Variants in TRPS1 observed in about 807,000 individuals in gnomAD.
The protein encoded by TRPS1 is zinc finger transcription factor Trps1.
A neutral mutation model predicts 101.2 loss-of-function variants in TRPS1; 6 were observed. That is an observed-to-expected ratio of 0.06 (90% CI 0.03 to 0.12). The LOEUF is 0.12. TRPS1 is among the 10% of genes least tolerant of loss of function. TRPS1 has a pLI of 1.00. For synonymous variants in TRPS1, 578 were observed against 589.8 expected (o/e 0.98, Z 0.29); for missense variants, 1,363 against 1,567.0 (o/e 0.87, Z 2.20).
intron 5 of TRPS1, among the ~76,000 whole-genome samples, chr8:115,432,940 G>A (rs1038421657): frequency 2.6e-5 from 4 of 151,326 alleles, no homozygotes; most frequent in Admixed American, 6.6e-5. Flanking sequence ...ACTAACGCAT[G>A]TGTATTCTTT....
chr8:115,609,665 CT>C lies in TRPS1; in HGVS notation c.967-4664del, dbSNP rs1300072923. Among the ~76,000 whole-genome samples, 11 of 152,214 alleles carry C rather than the reference CT, an allele frequency of 7.2e-5. No homozygotes were observed. The South Asian group carries it at 2.1e-3, about 29-fold the overall frequency. ...CAAGCAAATGACTGACTATGGAGTC[CT>C]TTGATTGTGAATTAAAGTTATATAA... On this transcript the variant is annotated intron_variant, in intron 3 of 6. Transcript: ENST00000395715.
At chr8:115,451,411 A>G (rs532327936) in intron 5 of TRPS1, among the ~76,000 whole-genome samples, 1 of 152,190 alleles carries the variant, frequency 6.6e-6, no homozygotes, top group Admixed American at 6.5e-5. Flanking sequence ...GGGATATAAA[A>G]GGAAGAAAAG....
At chr8:115,648,837 GCTTT>G (rs951268179) in intron 1 of TRPS1, among the ~76,000 whole-genome samples, 35 of 151,828 alleles carry the variant, frequency 2.3e-4, no homozygotes, top group African/African-American at 7.7e-4. Flanking sequence ...CCCAAACCAC[GCTTT>G]CTTTTTTTTT....
At chr8:115,434,512 T>TA (rs1586270090) in intron 5 of TRPS1, among the ~76,000 whole-genome samples, 2 of 152,214 alleles carry the variant, frequency 1.3e-5, no homozygotes, top group Non-Finnish European at 2.9e-5. Flanking sequence ...AAGTTACCTT[T>TA]ATCACTTAAG....
chr8:115,449,960 C>CACACACACAA (rs1237769992), intron 5 of TRPS1, among the ~76,000 whole-genome samples: 3 of 149,032 alleles, frequency 2.0e-5, no homozygotes, highest in Non-Finnish European at 1.5e-5. Context: ...TGATTTAACA[C>CACACACACAA]ACACACACAC....
At chr8:115,543,219 T>G (rs1816494544) in intron 5 of TRPS1, among the ~76,000 whole-genome samples, 1 of 152,168 alleles carries the variant, frequency 6.6e-6, no homozygotes, top group Non-Finnish European at 1.5e-5. Flanking sequence ...GCAGGCATGG[T>G]CTTATGGAAA....
At chr8:115,421,578 A>G (rs969023871) in intron 5 of TRPS1, among the ~76,000 whole-genome samples, 1 of 152,186 alleles carries the variant, frequency 6.6e-6, no homozygotes, top group African/African-American at 2.4e-5. Flanking sequence ...AATAGGAGCA[A>G]GCTTGCATGG....
intron 1 of TRPS1, among the ~76,000 whole-genome samples, chr8:115,643,311 A>G (rs1219778607): frequency 1.3e-5 from 2 of 152,204 alleles, no homozygotes; most frequent in Middle Eastern, 3.2e-3. Context: ...GCCACTTGAT[A>G]GCATTTTACC....
At chr8:115,662,734 T>C (rs1811832012) in intron 1 of TRPS1, among the ~76,000 whole-genome samples, 1 of 143,920 alleles carries the variant, frequency 6.9e-6, no homozygotes, top group African/African-American at 2.6e-5. Flanking sequence ...GTTTGATAAA[T>C]AGGGTTAAAA....
intron 5 of TRPS1, among the ~76,000 whole-genome samples, chr8:115,489,278 AG>A (rs1292778385): frequency 3.3e-5 from 5 of 152,206 alleles, no homozygotes; most frequent in Non-Finnish European, 5.9e-5. Context: ...CACATTGTCC[AG>A]TTACTCCCAT....
Position 115,604,396 on chromosome 8 carries a change from T to C in TRPS1, c.1573A>G (p.Ser525Gly). 6 of 1,614,120 alleles carry C rather than the reference T, an allele frequency of 3.7e-6. No homozygotes were observed. Among genetic ancestry groups the C allele is most frequent in the Non-Finnish European group, 5.1e-6 (6 of 1,180,000 alleles). The change falls in exon 4 of 7, where the codon AGC (serine) becomes GGC (glycine). Residue 525 changes from serine (S) to glycine (G), a missense_variant. Transcript: ENST00000395715. The surrounding 1 kb of genome is among the most constrained non-coding windows in gnomAD (Gnocchi z 4.1). ...SSGAKKKDFSSKGAEDNMVTS... is the reference protein window; with the variant it reads ...SSGAKKKDFSGKGAEDNMVTS... ...ACCATATTATCCTCGGCTCCCTTGC[T>C]GGAGAAGTCCTTCTTTTTAGCCCCA...
Position 115,418,903 on chromosome 8 carries a change from T to G in TRPS1, c.2701-451A>C, listed in dbSNP as rs759835240. ...TAAATCATTTAAAATTAAACTTGAT[T>G]TGTGTGTTTTTGTATGTCATTCATG... On this transcript the variant is annotated intron_variant, in intron 5 of 6. Transcript: ENST00000395715. The surrounding 1 kb of genome is among the most constrained non-coding windows in gnomAD (Gnocchi z 4.3). Among the ~76,000 whole-genome samples the G allele has an allele frequency of 6.6e-6, 1 of 152,194 alleles. No homozygotes were observed. The highest frequency in any genetic ancestry group is 1.5e-5 in the Non-Finnish European group (1 of 68,028).
At chr8:115,596,427 A>T (rs763436881) in intron 4 of TRPS1, among the ~76,000 whole-genome samples, 4 of 151,930 alleles carry the variant, frequency 2.6e-5, no homozygotes, top group Non-Finnish European at 4.4e-5. Context: ...TTAGTGACAT[A>T]CAAATAAATA....
At chr8:115,472,805 A>T (rs186702774) in intron 5 of TRPS1, among the ~76,000 whole-genome samples, 18 of 152,312 alleles carry the variant, frequency 1.2e-4, no homozygotes, top group African/African-American at 4.3e-4. Context: ...TCTCAAGGTC[A>T]AAGTTCCACA....
intron 5 of TRPS1, among the ~76,000 whole-genome samples, chr8:115,467,066 G>C (rs1217220795): frequency 6.6e-6 from 1 of 152,002 alleles, no homozygotes; most frequent in South Asian, 2.1e-4. Flanking sequence ...AGCAAGGTTT[G>C]AATTTTCTTA....
chr8:115,624,286 C>A (rs1818459208), intron 1 of TRPS1, among the ~76,000 whole-genome samples: 1 of 151,768 alleles, frequency 6.6e-6, no homozygotes, highest in African/African-American at 2.4e-5. Context: ...CTATGAATTG[C>A]CATTTTAGAT....
chr8:115,613,499 G>A (rs951450913), intron 3 of TRPS1, among the ~76,000 whole-genome samples: 1 of 152,084 alleles, frequency 6.6e-6, no homozygotes, highest in African/African-American at 2.4e-5. Context: ...TTTGCTATTG[G>A]CAGTAAACTC....
intron 5 of TRPS1, among the ~76,000 whole-genome samples, chr8:115,500,803 G>A (rs1212707130): frequency 6.6e-6 from 1 of 152,000 alleles, no homozygotes; most frequent in South Asian, 2.1e-4. Context: ...TCGATCTCCT[G>A]ACCTTGTAAT....
At chr8:115,435,445 C>A (rs1586270880) in intron 5 of TRPS1, among the ~76,000 whole-genome samples, 1 of 152,158 alleles carries the variant, frequency 6.6e-6, no homozygotes, top group South Asian at 2.1e-4. Flanking sequence ...CCCCATGAGG[C>A]ACATGCTATC....
Sources: allele counts gnomAD v4.1 joint callset (sites outside exome capture counted in the v4.1 genomes callset), GRCh38; gene constraint gnomAD v4.1.1; non-coding constraint Gnocchi (gnomAD v3.1); transcripts MANE v1.5; gene names NCBI Gene and HGNC (gene_info 2026-07-23, HGNC 2026-07-21).